Variants in CNNM1 observed in about 807,000 individuals in gnomAD.
The protein encoded by CNNM1 is cyclin and CBS domain divalent metal cation transport mediator 1, also known as metal transporter CNNM1.
In CNNM1, 44 loss-of-function variants were observed where a neutral mutation model predicts 78.8. That is an observed-to-expected ratio of 0.56 (90% CI 0.44 to 0.72). The LOEUF (loss-of-function observed/expected upper bound fraction) is 0.72. CNNM1 is among the 30% of genes least tolerant of loss of function. The probability of loss-of-function intolerance (pLI) is 0.00; values close to 1 mark genes in which losing one functional copy is unlikely to be tolerated. For missense variants in CNNM1, 1,101 were observed against 1,292.2 expected, an observed-to-expected ratio of 0.85 and a Z score of 2.27; for synonymous variants, 584 against 581.5, an observed-to-expected ratio of 1.00 and a Z score of -0.06.
At chr10:99,336,011 G>A (rs1371143976) in intron 1 of CNNM1, among the ~76,000 whole-genome samples, 1 of 152,138 alleles carries the variant, frequency 6.6e-6, no homozygotes, top group African/African-American at 2.4e-5. Context: ...GGTGTCGTTA[G>A]GGCTTCAACA....
intron 1 of CNNM1, among the ~76,000 whole-genome samples, chr10:99,347,280 G>A (rs1193954631): frequency 6.6e-6 from 1 of 152,022 alleles, no homozygotes; most frequent in Non-Finnish European, 1.5e-5. Context: ...CAGCACTTTG[G>A]GAGGCGGAGG....
chr10:99,357,273 T>C (rs1030637952), intron 1 of CNNM1, among the ~76,000 whole-genome samples: 10 of 152,202 alleles, frequency 6.6e-5, no homozygotes, highest in Admixed American at 5.9e-4. Context: ...AAAAACTAAC[T>C]GGTTTTGAAT....
At chr10:99,371,485 A>C (rs2031800198) in intron 6 of CNNM1, among the ~76,000 whole-genome samples, 1 of 152,212 alleles carries the variant, frequency 6.6e-6, no homozygotes, top group Non-Finnish European at 1.5e-5. Context: ...GCACAGAGAC[A>C]GAGACTTTGG....
At chr10:99,356,778 G>A (rs1461176399) in intron 1 of CNNM1, among the ~76,000 whole-genome samples, 1 of 152,150 alleles carries the variant, frequency 6.6e-6, no homozygotes, top group East Asian at 1.9e-4. Context: ...ACCTGGAAGG[G>A]TGGGCTCAGC....
At chr10:99,351,328 A>G (rs1424489048) in intron 1 of CNNM1, among the ~76,000 whole-genome samples, 2 of 152,226 alleles carry the variant, frequency 1.3e-5, no homozygotes, top group Admixed American at 1.3e-4. Context: ...CCCAGCGTTG[A>G]ATAGTCAATT....
rs1430474353 is a variant in CNNM1 at position 99,394,218 on chromosome 10, T to C, written c.*2702T>C. ...CCTATATACCCCCACCCCACAAAGA[T>C]TTTCTTCAGGTTAAAAAAAAAGTTT... On this transcript the variant is annotated 3_prime_UTR_variant, in exon 11 of 11. Coordinates refer to ENST00000356713, the MANE Select transcript of CNNM1 (RefSeq NM_020348.3). 1 of 152,276 alleles carries C rather than the reference T, an allele frequency of 6.6e-6. No homozygotes were observed. The highest frequency in any genetic ancestry group is 1.9e-4 in the East Asian group (1 of 5,174). The allele number at this position is 152,276 out of a possible 1,614,324, so 9.4% of individuals were successfully genotyped here. A position where few individuals can be genotyped will look rare whatever the true frequency, so the allele number is the denominator to read the frequency against.
At chr10:99,358,673 C>T (rs1346188690) in intron 2 of CNNM1, among the ~76,000 whole-genome samples, 1 of 152,180 alleles carries the variant, frequency 6.6e-6, no homozygotes, top group Non-Finnish European at 1.5e-5. Flanking sequence ...TGGCACCTCC[C>T]TCCAAGAGCC....
chr10:99,360,840 A>G lies in CNNM1; in HGVS notation c.1723A>G (p.Asn575Asp), dbSNP rs768972098. ...ILDETDLYTD[N>D]RKKQRVPQRE... ...TGTCCTCTGTGACCCCACAGCTGACAATCGGAAAAAGCAGAGGGTCCCGCA... is the reference window on the plus strand; with the variant it reads ...TGTCCTCTGTGACCCCACAGCTGACGATCGGAAAAAGCAGAGGGTCCCGCA... Residue 575 changes from asparagine to aspartate, a missense_variant, in exon 3 of 11, where the codon AAT becomes GAT. This residue lies in a region of CNNM1 where 277 missense variants were observed against 423.2 expected (regional missense o/e 0.65). Coordinates refer to ENST00000356713, the MANE Select transcript of CNNM1 (RefSeq NM_020348.3). 1 of 1,603,842 alleles carries G rather than the reference A, an allele frequency of 6.2e-7. No individual in the cohort carries two copies. Among genetic ancestry groups the G allele is most frequent in the South Asian group, 1.1e-5 (1 of 90,142 alleles).
intron 6 of CNNM1, among the ~76,000 whole-genome samples, chr10:99,375,993 G>T (rs1028682728): frequency 1.3e-5 from 2 of 152,222 alleles, no homozygotes; most frequent in African/African-American, 4.8e-5. Flanking sequence ...ACTTTTCCAA[G>T]AAGTATTTCT....
At chr10:99,376,937 T>G (rs530231339) in intron 6 of CNNM1, 118 bp from the exon 7 acceptor site, 1 of 978,186 alleles carries the variant, frequency 1.0e-6, no homozygotes, top group East Asian at 2.6e-5. Flanking sequence ...CGCCTGAAAG[T>G]CTTATGGGAC....
Position 99,329,720 on chromosome 10 carries a change from G to A in CNNM1, c.333G>A (p.Glu111=). 1 of 1,524,998 alleles carries A rather than the reference G, an allele frequency of 6.6e-7. No individual in the cohort carries two copies. Among genetic ancestry groups the A allele is most frequent in the Non-Finnish European group, 8.7e-7 (1 of 1,146,816 alleles). 94.5% of individuals were successfully genotyped at this position (1,524,998 alleles called of 1,614,324 possible). The change falls in exon 1 of 11, where the codon GAG becomes GAA. Residue 111 remains glutamate, a synonymous_variant. Coordinates refer to ENST00000356713, the MANE Select transcript of CNNM1 (RefSeq NM_020348.3). Reference sequence around the variant, plus strand: ...CTCCGCGGCTCGTGTTCATCGAGGAGCCCCCGGGCGGTGGCGGCGTGGCCC... The same window carrying A: ...CTCCGCGGCTCGTGTTCATCGAGGAACCCCCGGGCGGTGGCGGCGTGGCCC... The part of the protein sequence containing the change: ...DWAPRLVFIE[E]PPGGGGVAPS...
intron 6 of CNNM1, chr10:99,365,259 A>T: frequency 1.7e-6 from 1 of 592,950 alleles, no homozygotes; most frequent in Non-Finnish European, 3.0e-6. Context: ...TTGTGAGGGA[A>T]GGCACTGCTT....
intron 7 of CNNM1, 66 bp downstream of exon 7, chr10:99,377,284 A>T: frequency 6.8e-7 from 1 of 1,465,526 alleles, no homozygotes; most frequent in East Asian, 2.3e-5. Context: ...GAGCGGGACA[A>T]GAAGACTACC....
In CNNM1 at chr10:99,330,282, G is replaced by A; in HGVS notation, c.895G>A (p.Gly299Ser). 6.4e-7 allele frequency: 1 copy of A among 1,573,834 alleles called. No individual in the cohort carries two copies. Among genetic ancestry groups the A allele is most frequent in the South Asian group, 1.2e-5 (1 of 85,054 alleles). Residue 299 changes from glycine (G) to serine (S), a missense_variant, in exon 1 of 11, where the codon GGC becomes AGC. Gly to Ser is a moderately conservative substitution (Grantham distance 56). Around this residue, in one of 3 missense-constraint regions of CNNM1, gnomAD observed 476 missense variants for 484.5 expected, o/e 0.98. Coordinates refer to ENST00000356713, the MANE Select transcript of CNNM1 (RefSeq NM_020348.3). Reference protein sequence around the residue: ...GQAGANAALAGWLYTSLPPGF... With the variant: ...GQAGANAALASWLYTSLPPGF... ...AGCCGGAGCCAACGCGGCCCTGGCT[G>A]GCTGGCTGTACACCTCGCTGCCGCC...
rs777535202 is a variant in CNNM1, at chr10:99,330,516, G to A, written c.1129G>A (p.Gly377Ser). The change falls in exon 1 of 11, where the codon GGC becomes AGC. Residue 377 changes from glycine (G) to serine (S), a missense_variant. Physicochemically the swap from Gly to Ser is moderately conservative, Grantham distance 56. Around this residue, in one of 3 missense-constraint regions of CNNM1, gnomAD observed 277 missense variants for 423.2 expected, o/e 0.65. Coordinates refer to ENST00000356713, the MANE Select transcript of CNNM1 (RefSeq NM_020348.3). Reference sequence around the variant, plus strand: ...CGCCTTCCCCGTGTGCTACCCGCTGGGCCGCCTGCTGGACTGGGCGCTGCG... The same window carrying A: ...CGCCTTCCCCGTGTGCTACCCGCTGAGCCGCCTGCTGGACTGGGCGCTGCG... ...AAAFPVCYPL[G>S]RLLDWALRQE... The A allele has an allele frequency of 2.5e-6, 4 of 1,587,822 alleles. No homozygotes were observed. The highest frequency in any genetic ancestry group is 3.4e-6 in the Non-Finnish European group (4 of 1,167,708).
intron 6 of CNNM1, among the ~76,000 whole-genome samples, chr10:99,367,320 G>C (rs1053775458): frequency 1.3e-5 from 2 of 152,176 alleles, no homozygotes; most frequent in Non-Finnish European, 2.9e-5. Context: ...TTATGAGTTT[G>C]CTGGAATACT....
At position 99,329,734 on chromosome 10, in the gene CNNM1, GCGGCGTGGCCCC is replaced by G; in HGVS notation, c.349_360del (p.Gly117_Pro120del). 1 of 1,512,812 alleles carries G rather than the reference GCGGCGTGGCCCC, an allele frequency of 6.6e-7. No homozygotes were observed. The highest frequency in any genetic ancestry group is 8.8e-7 in the Non-Finnish European group (1 of 1,140,260). 93.7% of individuals were successfully genotyped at this position (1,512,812 alleles called of 1,614,324 possible). ...TTCATCGAGGAGCCCCCGGGCGGTG[GCGGCGTGGCCCC>G]CAGCGCGGTCCCCACTCGCCCCCCG... On this transcript the variant is annotated inframe_deletion, in exon 1 of 11. Transcript: ENST00000356713.
In CNNM1 at chr10:99,355,386, G is replaced by T. The variant is rs1200301736; in HGVS notation, c.1574-2126G>T. Among the ~76,000 whole-genome samples the T allele has an allele frequency of 2.6e-5, 4 of 152,110 alleles. No homozygotes were observed. The East Asian group carries it at 7.7e-4, about 29-fold the overall frequency. On this transcript the variant is annotated intron_variant, in intron 1 of 10. Coordinates refer to ENST00000356713, the MANE Select transcript of CNNM1 (RefSeq NM_020348.3). ...ACATGTATACATGTGTAACTAACCT[G>T]CACGTTGTGCACATGTACCCTAAAA...
intron 1 of CNNM1, among the ~76,000 whole-genome samples, chr10:99,352,158 A>G (rs1315280512): frequency 1.3e-5 from 2 of 152,158 alleles, no homozygotes; most frequent in Non-Finnish European, 2.9e-5. Flanking sequence ...GCTTCTGGCA[A>G]CCATGATCTA....
Sources: gnomAD v4.1 joint callset for allele counts (sites outside exome capture counted in the v4.1 genomes callset) on GRCh38, gnomAD v4.1.1 for gene constraint, gnomAD v4.1.1 regional missense constraint, MANE v1.5 for transcripts, NCBI Gene and HGNC (gene_info 2026-07-23, HGNC 2026-07-21) for gene names.